Variants in ADGRL2 observed in about 807,000 individuals in gnomAD.
The protein encoded by ADGRL2 is adhesion G protein-coupled receptor L2, also known as calcium-independent alpha-latrotoxin receptor 2.
A neutral mutation model predicts 157.4 loss-of-function variants in ADGRL2; 44 were observed. The ratio of observed to expected loss-of-function variants is 0.28; its 90% CI spans 0.22 to 0.36. The LOEUF is 0.36. Ranked by LOEUF, ADGRL2 falls within the 10% of genes least tolerant of loss-of-function variation. ADGRL2 has a pLI of 1.00. For missense variants in ADGRL2, 1,510 were observed against 1,768.9 expected, an observed-to-expected ratio of 0.85 and a Z score of 2.63; for synonymous variants, 585 against 624.7, an observed-to-expected ratio of 0.94 and a Z score of 0.95.
intron 2 of ADGRL2, among the ~76,000 whole-genome samples, chr1:81,898,487 A>G (rs1184079305): frequency 1.3e-5 from 2 of 152,238 alleles, no homozygotes; most frequent in Non-Finnish European, 2.9e-5. Flanking sequence ...ATAAGTAAGC[A>G]CAAAAAAGTA....
intron 1 of ADGRL2, among the ~76,000 whole-genome samples, chr1:81,801,551 C>T (rs541879562): frequency 1.1e-3 from 173 of 152,320 alleles, no homozygotes; most frequent in African/African-American, 4.0e-3. Flanking sequence ...CTGTGTGTGG[C>T]GTGGCTCTTC....
chr1:81,383,683 C>T (rs1008851838), intron 1 of ADGRL2, among the ~76,000 whole-genome samples: 9 of 149,572 alleles, frequency 6.0e-5, no homozygotes, highest in Non-Finnish European at 1.2e-4. Flanking sequence ...AAAAAGAAGG[C>T]CGGGTGCACG....
intron 2 of ADGRL2, among the ~76,000 whole-genome samples, chr1:81,555,040 A>G (rs937037046): frequency 6.6e-6 from 1 of 151,922 alleles, no homozygotes; most frequent in Admixed American, 6.6e-5. Flanking sequence ...GCTCCAGGGA[A>G]CAGACACATG....
chr1:81,474,176 T>C (rs146450671), intron 2 of ADGRL2, among the ~76,000 whole-genome samples: 138 of 152,358 alleles, frequency 9.1e-4, no homozygotes, highest in Non-Finnish European at 1.8e-3. Flanking sequence ...GATTTTGTAA[T>C]AGCTGAAATT....
In ADGRL2 at chr1:81,332,658, C is replaced by T. The variant is rs576336701; in HGVS notation, c.-302+26149C>T. On this transcript the variant is annotated intron_variant, in intron 1 of 24. Transcript: ENST00000370721. ...GAAATGTACCCAAAATATTGGACTC[C>T]TCTGAGGAAACATGTATAGAAATGT... Among the ~76,000 whole-genome samples the T allele has an allele frequency of 4.6e-5, 7 of 152,190 alleles. No homozygotes were observed. The East Asian group carries it at 1.4e-3, about 29-fold the overall frequency.
chr1:81,597,547 A>G (rs1177582986), intron 3 of ADGRL2, among the ~76,000 whole-genome samples: 2 of 152,214 alleles, frequency 1.3e-5, no homozygotes, highest in Non-Finnish European at 2.9e-5. Context: ...CATAATAACC[A>G]TATGGATAGG....
intron 2 of ADGRL2, among the ~76,000 whole-genome samples, chr1:81,492,295 A>G (rs1570267750): frequency 6.6e-6 from 1 of 152,218 alleles, no homozygotes; most frequent in African/African-American, 2.4e-5. Flanking sequence ...TCTTGAACAC[A>G]CAAAAGAGAA....
At chr1:81,988,656 A>G (rs1370680404) in intron 23 of ADGRL2, among the ~76,000 whole-genome samples, 1 of 152,122 alleles carries the variant, frequency 6.6e-6, no homozygotes, top group Non-Finnish European at 1.5e-5. Flanking sequence ...AGACAATACA[A>G]ATCACTAACA....
intron 1 of ADGRL2, among the ~76,000 whole-genome samples, chr1:81,742,211 G>T (rs1406803975): frequency 6.6e-6 from 1 of 151,762 alleles, no homozygotes; most frequent in Admixed American, 6.6e-5. Flanking sequence ...AGTTCGTTGG[G>T]CATAAAAGGA....
chr1:81,780,699 T>C (rs1245115076), intron 2 of ADGRL2, among the ~76,000 whole-genome samples: 1 of 152,210 alleles, frequency 6.6e-6, no homozygotes, highest in Non-Finnish European at 1.5e-5. Context: ...TATATAATAA[T>C]AATGGTTATG....
chr1:81,567,313 A>G (rs1028914233), intron 2 of ADGRL2, among the ~76,000 whole-genome samples: 6 of 152,100 alleles, frequency 3.9e-5, no homozygotes, highest in African/African-American at 1.2e-4. Flanking sequence ...CAAGTGTTCA[A>G]TAGTCACATA....
At chr1:81,553,977 G>A (rs2080212317) in intron 2 of ADGRL2, among the ~76,000 whole-genome samples, 1 of 152,068 alleles carries the variant, frequency 6.6e-6, no homozygotes, top group South Asian at 2.1e-4. Context: ...TTATCTAAAG[G>A]CCCTGTAGAT....
At chr1:81,815,557 G>C (rs2090313366) in intron 1 of ADGRL2, among the ~76,000 whole-genome samples, 1 of 151,766 alleles carries the variant, frequency 6.6e-6, no homozygotes, top group Non-Finnish European at 1.5e-5. Flanking sequence ...TGTATTCTCT[G>C]TAAGAATTAG....
chr1:81,748,707 AC>A (rs2085393965), intron 1 of ADGRL2, among the ~76,000 whole-genome samples: 1 of 151,544 alleles, frequency 6.6e-6, no homozygotes, highest in Non-Finnish European at 1.5e-5. Context: ...TCACTCTGTC[AC>A]CCAGGCTGGG....
chr1:81,545,497 T>C (rs2079993581), intron 2 of ADGRL2, among the ~76,000 whole-genome samples: 1 of 152,058 alleles, frequency 6.6e-6, no homozygotes. Context: ...GCCAGGCTGG[T>C]CTTGAACTCC....
chr1:81,530,704 G>A (rs2079576043), intron 2 of ADGRL2, among the ~76,000 whole-genome samples: 1 of 152,090 alleles, frequency 6.6e-6, no homozygotes, highest in Non-Finnish European at 1.5e-5. Flanking sequence ...CTGGGACAAA[G>A]CCTCTAGAAG....
intron 1 of ADGRL2, among the ~76,000 whole-genome samples, chr1:81,808,375 A>G (rs556174972): frequency 1.3e-5 from 2 of 152,142 alleles, no homozygotes; most frequent in South Asian, 4.1e-4. Context: ...TACCATGTTC[A>G]CAGTGTAAGG....
chr1:81,467,070 G>T (rs1422778421), intron 2 of ADGRL2, among the ~76,000 whole-genome samples: 4 of 150,626 alleles, frequency 2.7e-5, no homozygotes, highest in South Asian at 2.1e-4. Context: ...GAAAAAAAAC[G>T]ACTGGAAGAA....
intron 2 of ADGRL2, among the ~76,000 whole-genome samples, chr1:81,838,919 C>T (rs1251959263): frequency 6.6e-6 from 1 of 151,786 alleles, no homozygotes; most frequent in Non-Finnish European, 1.5e-5. Flanking sequence ...GAACCTGGGA[C>T]GAACCCATAC....
Sources: gnomAD v4.1 joint callset for allele counts (sites outside exome capture counted in the v4.1 genomes callset) on GRCh38, gnomAD v4.1.1 for gene constraint, MANE v1.5 for transcripts, NCBI Gene and HGNC (gene_info 2026-07-23, HGNC 2026-07-21) for gene names.